The following TIAM1 variants were observed in gnomAD, a reference collection of about 807,000 sequenced individuals.
TIAM1 encodes TIAM Rac1 associated GEF 1.
In TIAM1, 65 loss-of-function variants were observed where a neutral mutation model predicts 163.5. The observed-to-expected ratio is 0.40, with a 90% CI of 0.33 to 0.49. The LOEUF (loss-of-function observed/expected upper bound fraction) is 0.49, where lower values mean the gene tolerates loss of function less well. Among genes scored for constraint, TIAM1 ranks in the 20% least tolerant of loss-of-function variants. The pLI is 0.77. For synonymous variants in TIAM1, 833 were observed against 810.1 expected (o/e 1.03, Z -0.48); for missense variants, 1,789 against 2,044.7 (o/e 0.87, Z 2.41).
rs1437435744 is a variant in TIAM1, at chr21:31,266,000, A to G, written c.963+10T>C. On this transcript the variant is annotated intron_variant, in intron 4 of 27. Transcript: ENST00000541036. ...TCCCAAAATATTGAAACAAATTTCA[A>G]TCACTTTACCTGAGTTGTTTTAGCT... 1 of 1,608,530 alleles carries G rather than the reference A, an allele frequency of 6.2e-7. No individual in the cohort carries two copies. The highest frequency in any genetic ancestry group is 8.5e-7 in the Non-Finnish European group (1 of 1,176,558).
chr21:31,213,866 C>CCAAA (rs71318260), intron 9 of TIAM1, among the ~76,000 whole-genome samples: 8 of 54,878 alleles, frequency 1.5e-4, no homozygotes, highest in African/African-American at 5.0e-4. Context: ...CTCATCTCTA[C>CCAAA]AAAAAAAAAA....
chr21:31,548,398 C>T lies in TIAM1; in HGVS notation c.-422+10529G>A, dbSNP rs35972205. Among the ~76,000 whole-genome samples, 256 of 151,654 alleles carry T rather than the reference C, an allele frequency of 1.7e-3. 1 individual carries two copies. The highest frequency in any genetic ancestry group is 3.0e-3 in the Non-Finnish European group (205 of 67,782). ...TCAAGTGATCTGACCACCTCAGCCT[C>T]TCAAAGTGTTGGGATTACAGGCGTG... On this transcript the variant is annotated intron_variant, in intron 1 of 28. Transcript: ENST00000286827.
intron 2 of TIAM1, among the ~76,000 whole-genome samples, chr21:31,290,043 G>A (rs2073960097): frequency 6.6e-6 from 1 of 152,096 alleles, no homozygotes; most frequent in African/African-American, 2.4e-5. Flanking sequence ...CCACCCCGAA[G>A]AGTATGCCTA....
intron 2 of TIAM1, among the ~76,000 whole-genome samples, chr21:31,426,897 G>C (rs2147270117): frequency 6.6e-6 from 1 of 152,200 alleles, no homozygotes; most frequent in East Asian, 1.9e-4. Flanking sequence ...TGAGGGGCTT[G>C]GGGTGGGTGT....
chr21:31,450,572 C>A (rs542195709), intron 2 of TIAM1, among the ~76,000 whole-genome samples: 1 of 152,152 alleles, frequency 6.6e-6, no homozygotes, highest in Non-Finnish European at 1.5e-5. Flanking sequence ...ACCAGGGGGA[C>A]AGGGGGACTC....
intron 20 of TIAM1, among the ~76,000 whole-genome samples, chr21:31,142,249 C>T (rs1417779023): frequency 6.6e-6 from 1 of 152,002 alleles, no homozygotes; most frequent in Non-Finnish European, 1.5e-5. Context: ...TAATGATAAA[C>T]CTACATTCTG....
chr21:31,142,509 T>TA (rs2082894000), intron 20 of TIAM1, among the ~76,000 whole-genome samples: 1 of 106,858 alleles, frequency 9.4e-6, no homozygotes, highest in Non-Finnish European at 1.8e-5. Context: ...CAGGCGCCCA[T>TA]AATCCCAGCT....
intron 9 of TIAM1, among the ~76,000 whole-genome samples, chr21:31,216,800 A>T (rs2146592889): frequency 6.6e-6 from 1 of 152,230 alleles, no homozygotes; most frequent in Admixed American, 6.5e-5. Context: ...CTGTCTCCTC[A>T]TTCCAGTAGG....
At chr21:31,164,214 C>T (rs886621336) in intron 16 of TIAM1, among the ~76,000 whole-genome samples, 6 of 152,086 alleles carry the variant, frequency 3.9e-5, no homozygotes, top group African/African-American at 1.4e-4. Context: ...CACGGTGAAA[C>T]CCTGTCTCTA....
At chr21:31,200,410 T>C (rs1376360952) in intron 12 of TIAM1, among the ~76,000 whole-genome samples, 1 of 152,200 alleles carries the variant, frequency 6.6e-6, no homozygotes, top group Admixed American at 6.5e-5. Flanking sequence ...TTATCCTAAA[T>C]GAATGTAGGC....
chr21:31,286,277 G>A (rs1477044652), intron 2 of TIAM1, among the ~76,000 whole-genome samples: 1 of 152,034 alleles, frequency 6.6e-6, no homozygotes, highest in Admixed American at 6.5e-5. Flanking sequence ...ATATTTAAAG[G>A]GTCCAGGCAC....
intron 13 of TIAM1, among the ~76,000 whole-genome samples, chr21:31,194,418 T>A (rs1461363342): frequency 6.6e-6 from 1 of 152,170 alleles, no homozygotes; most frequent in African/African-American, 2.4e-5. Context: ...GAGGATAATG[T>A]AGGATAATGG....
At chr21:31,489,726 G>C (rs1244382156) in intron 1 of TIAM1, among the ~76,000 whole-genome samples, 2 of 152,048 alleles carry the variant, frequency 1.3e-5, no homozygotes, top group Admixed American at 6.5e-5. Context: ...CCTGGAGTCT[G>C]AGACAGCATG....
intron 14 of TIAM1, among the ~76,000 whole-genome samples, chr21:31,185,410 ATATATAATTATGT>A (rs1024833073): frequency 2.9e-5 from 4 of 137,084 alleles, no homozygotes; most frequent in African/African-American, 1.2e-4. Flanking sequence ...CTATATAATT[ATATATAATTATGT>A]TATATAATTA....
intron 1 of TIAM1, among the ~76,000 whole-genome samples, chr21:31,485,638 G>T (rs143323014): frequency 1.7e-3 from 266 of 152,256 alleles, no homozygotes; most frequent in African/African-American, 6.1e-3. Flanking sequence ...CATCCTCAGA[G>T]ACAGCCTGCC....
chr21:31,159,369 C>T (rs986595915), intron 16 of TIAM1, among the ~76,000 whole-genome samples: 8 of 152,106 alleles, frequency 5.3e-5, no homozygotes, highest in Non-Finnish European at 1.0e-4. Flanking sequence ...TTTAAGTACA[C>T]ACTATCAACT....
intron 13 of TIAM1, among the ~76,000 whole-genome samples, chr21:31,188,878 T>TA (rs1483170866): frequency 2.0e-5 from 3 of 151,474 alleles, no homozygotes; most frequent in Non-Finnish European, 2.9e-5. Flanking sequence ...CTGGCCCCAG[T>TA]TTTTTTTCTA....
chr21:31,468,998 G>A (rs896628914), intron 1 of TIAM1, among the ~76,000 whole-genome samples: 3 of 151,200 alleles, frequency 2.0e-5, no homozygotes, highest in South Asian at 4.2e-4. Context: ...GAGGTCTCTC[G>A]ATCACAAGTC....
At position 31,448,551 on chromosome 21, in the gene TIAM1, A is replaced by G. The variant is rs1054868366; in HGVS notation, c.-369+15432T>C. On this transcript the variant is annotated intron_variant, in intron 2 of 28. Transcript: ENST00000286827. ...AGCCTAGGCAGTAGAGATTGCAGTG[A>G]GCCAAGATTGTGCCACTGCACTCCA... Among the ~76,000 whole-genome samples, 4 of 151,004 alleles carry G rather than the reference A, an allele frequency of 2.6e-5. No individual in the cohort carries two copies. The East Asian group carries it at 7.9e-4, about 30-fold the overall frequency.
Sources: gnomAD v4.1 joint callset for allele counts (sites outside exome capture counted in the v4.1 genomes callset) on GRCh38, gnomAD v4.1.1 for gene constraint, MANE v1.5 for transcripts, NCBI Gene and HGNC (gene_info 2026-07-23, HGNC 2026-07-21) for gene names.